Variants in C6orf89 observed in about 807,000 individuals in gnomAD.
C6orf89 encodes the protein bombesin receptor-activated protein C6orf89.
C6orf89 carries 29 observed loss-of-function variants against 40.7 expected under a neutral mutation model. That is an observed-to-expected ratio of 0.71 (90% CI 0.53 to 0.97). The LOEUF is 0.97. C6orf89 is among the 50% of genes least tolerant of loss of function. The pLI is 0.00. For synonymous variants in C6orf89, 165 were observed against 152.2 expected, an observed-to-expected ratio of 1.08 and a Z score of -0.62; for missense variants, 392 against 429.1, an observed-to-expected ratio of 0.91 and a Z score of 0.76.
upstream of C6orf89, among the ~76,000 whole-genome samples, chr6:36,885,265 C>T (rs893105345): frequency 1.3e-5 from 2 of 152,202 alleles, no homozygotes; most frequent in African/African-American, 4.8e-5. Flanking sequence ...GTTCAATCTG[C>T]GTTCAAATCA....
At chr6:36,911,583 A>G (rs944676234) in intron 4 of C6orf89, among the ~76,000 whole-genome samples, 2 of 152,142 alleles carry the variant, frequency 1.3e-5, no homozygotes, top group African/African-American at 4.8e-5. Context: ...TAGCCCATGC[A>G]GCACCTTTAT....
intron 2 of C6orf89, among the ~76,000 whole-genome samples, chr6:36,880,387 T>C (rs1294337910): frequency 6.6e-6 from 1 of 152,038 alleles, no homozygotes; most frequent in Non-Finnish European, 1.5e-5. Context: ...AAGAAAAATC[T>C]TACAACTACT....
chr6:36,896,846 G>T (rs1203165557), intron 2 of C6orf89, among the ~76,000 whole-genome samples: 1 of 151,936 alleles, frequency 6.6e-6, no homozygotes, highest in Non-Finnish European at 1.5e-5. Context: ...ATAAAGAAAG[G>T]GACAGGCATG....
intron 4 of C6orf89, among the ~76,000 whole-genome samples, chr6:36,908,089 G>C (rs76440961): frequency 1.3e-5 from 2 of 152,158 alleles, no homozygotes; most frequent in African/African-American, 4.8e-5. Context: ...CTAGTTCACC[G>C]TTTGCCCGTT....
chr6:36,916,315 A>T (rs1762319459), intron 6 of C6orf89, 130 bp from the exon 7 acceptor site: 4 of 948,590 alleles, frequency 4.2e-6, no homozygotes, highest in Non-Finnish European at 4.8e-6. Context: ...CCTAGTACTT[A>T]AGATACTGTA....
chr6:36,917,217 A>G (rs1246753377), intron 7 of C6orf89, among the ~76,000 whole-genome samples: 1 of 152,176 alleles, frequency 6.6e-6, no homozygotes, highest in African/African-American at 2.4e-5. Flanking sequence ...GAAATAAACA[A>G]TTAAGAGATT....
Position 36,894,313 on chromosome 6 carries a change from G to A in C6orf89, c.-119-191G>A, listed in dbSNP as rs750075819. On this transcript the variant is annotated intron_variant, in intron 1 of 8. Transcript: ENST00000480824. The stretch of plus-strand genomic sequence containing the variant: ...ATCCTTTCCATTCTGGTCCTCTACT[G>A]AGTTTTAATGGGTTTTGACTGGGTA... Among the ~76,000 whole-genome samples the A allele has an allele frequency of 1.3e-3, 193 of 152,146 alleles. 3 individuals carry two copies. Among genetic ancestry groups the A allele is most frequent in the Admixed American group, 2.4e-3 (36 of 15,264 alleles).
chr6:36,909,531 CT>C (rs1484821343), intron 4 of C6orf89, among the ~76,000 whole-genome samples: 1 of 152,046 alleles, frequency 6.6e-6, no homozygotes, highest in African/African-American at 2.4e-5. Flanking sequence ...ATTTATAATA[CT>C]TTTCTGTGAA....
intron 1 of C6orf89, among the ~76,000 whole-genome samples, chr6:36,890,345 G>A (rs998198868): frequency 6.6e-6 from 1 of 151,972 alleles, no homozygotes; most frequent in Non-Finnish European, 1.5e-5. Context: ...TCTGTTCTTT[G>A]CTTCTATGAG....
chr6:36,876,658 A>T (rs1427037001), intron 1 of C6orf89, among the ~76,000 whole-genome samples: 1 of 149,162 alleles, frequency 6.7e-6, no homozygotes, highest in Non-Finnish European at 1.5e-5. Flanking sequence ...CGGAAGGTGG[A>T]GGCTGCAGTG....
At chr6:36,878,241 T>C (rs1353694999) in intron 1 of C6orf89, among the ~76,000 whole-genome samples, 2 of 152,248 alleles carry the variant, frequency 1.3e-5, no homozygotes. Context: ...ATGTGTTTTC[T>C]GGTTTTGGTC....
chr6:36,897,933 C>T (rs530972836), intron 2 of C6orf89, among the ~76,000 whole-genome samples: 2 of 152,132 alleles, frequency 1.3e-5, no homozygotes, highest in South Asian at 2.1e-4. Flanking sequence ...TAAAAGGACC[C>T]TCTGTATTGA....
intron 1 of C6orf89, 68 bp from the exon 2 acceptor site, chr6:36,894,436 G>A: frequency 1.5e-6 from 1 of 672,424 alleles, no homozygotes; most frequent in South Asian, 6.6e-5. Flanking sequence ...TGGCATCTCA[G>A]AATCACTGAT....
chr6:36,906,622 C>T (rs1300005000), intron 4 of C6orf89, among the ~76,000 whole-genome samples: 1 of 152,086 alleles, frequency 6.6e-6, no homozygotes, highest in Admixed American at 6.5e-5. Context: ...GCATTGCTTC[C>T]TGGAGGCAAG....
chr6:36,876,425 T>C (rs1160652557), intron 1 of C6orf89, among the ~76,000 whole-genome samples: 1 of 152,084 alleles, frequency 6.6e-6, no homozygotes, highest in Non-Finnish European at 1.5e-5. Context: ...ATGAGGACTG[T>C]AATAAGAAGC....
chr6:36,890,986 A>G (rs981380740), intron 1 of C6orf89, among the ~76,000 whole-genome samples: 3 of 135,996 alleles, frequency 2.2e-5, no homozygotes, highest in African/African-American at 8.3e-5. Context: ...TAATCTAAGA[A>G]GCACTTTTTC....
At chr6:36,877,931 C>A (rs1203701685) in intron 1 of C6orf89, among the ~76,000 whole-genome samples, 1 of 152,186 alleles carries the variant, frequency 6.6e-6, no homozygotes, top group African/African-American at 2.4e-5. Context: ...CAGAATATAA[C>A]ACTGGAAAGT....
intron 4 of C6orf89, among the ~76,000 whole-genome samples, chr6:36,911,631 T>G (rs1457361154): frequency 2.0e-5 from 3 of 152,200 alleles, no homozygotes; most frequent in African/African-American, 7.2e-5. Flanking sequence ...CCTGGTGCTT[T>G]ACTCTCATCT....
intron 8 of C6orf89, among the ~76,000 whole-genome samples, chr6:36,920,635 A>T (rs1762479776): frequency 1.3e-5 from 2 of 152,266 alleles, no homozygotes; most frequent in Admixed American, 1.3e-4. Context: ...CAATTCAGAA[A>T]TGAAAAATAA....
Sources: gnomAD v4.1 joint callset for allele counts (sites outside exome capture counted in the v4.1 genomes callset) on GRCh38, gnomAD v4.1.1 for gene constraint, MANE v1.5 for transcripts, NCBI Gene and HGNC (gene_info 2026-07-23, HGNC 2026-07-21) for gene names.